Variants in TMC1 observed in about 807,000 individuals in gnomAD.
The protein encoded by TMC1 is transmembrane channel-like protein 1.
Under a neutral mutation model 105.8 loss-of-function variants are expected in TMC1, and 84 were observed. The observed-to-expected ratio is 0.79, with a 90% CI of 0.67 to 0.95. The LOEUF (loss-of-function observed/expected upper bound fraction) is 0.95, where lower values mean the gene tolerates loss of function less well. Among genes scored for constraint, TMC1 ranks in the 40% least tolerant of loss-of-function variants. The pLI is 0.00. For missense variants in TMC1, 817 were observed against 914.1 expected (o/e 0.89, Z 1.37); for synonymous variants, 315 against 311.5 (o/e 1.01, Z -0.12).
chr9:72,606,982 C>CATAT (rs144223921), intron 2 of TMC1, among the ~76,000 whole-genome samples: 200 of 142,038 alleles, frequency 1.4e-3, no homozygotes, highest in Non-Finnish European at 2.2e-3. Context: ...TGTGTGTGTG[C>CATAT]ATATATATAT....
intron 2 of TMC1, among the ~76,000 whole-genome samples, chr9:72,603,085 A>G (rs1824846021): frequency 6.6e-6 from 1 of 152,142 alleles, no homozygotes; most frequent in African/African-American, 2.4e-5. Flanking sequence ...GATGGCTCTG[A>G]TAAATATTTA....
intron 1 of TMC1, among the ~76,000 whole-genome samples, chr9:72,566,889 T>C (rs755539877): frequency 6.6e-6 from 1 of 152,182 alleles, no homozygotes; most frequent in Non-Finnish European, 1.5e-5. Context: ...GTTGTTTTCA[T>C]CTCTTAACAC....
At chr9:72,807,225 C>T (rs982655010) in intron 18 of TMC1, among the ~76,000 whole-genome samples, 3 of 152,112 alleles carry the variant, frequency 2.0e-5, no homozygotes, top group African/African-American at 7.2e-5. Flanking sequence ...TTCGGCTCAG[C>T]ATGAGAGGGA....
At chr9:72,536,934 A>G (rs1233382479) in intron 1 of TMC1, among the ~76,000 whole-genome samples, 2 of 152,200 alleles carry the variant, frequency 1.3e-5, no homozygotes, top group African/African-American at 4.8e-5. Context: ...ACCCTATGGC[A>G]GACTTCTGCC....
At chr9:72,815,091 T>G (rs1828763192) in intron 18 of TMC1, among the ~76,000 whole-genome samples, 1 of 152,166 alleles carries the variant, frequency 6.6e-6, no homozygotes, top group African/African-American at 2.4e-5. Flanking sequence ...TACTGCATTC[T>G]TATTCCCTTA....
chr9:72,735,184 G>A (rs1285515959), intron 8 of TMC1, among the ~76,000 whole-genome samples: 1 of 152,130 alleles, frequency 6.6e-6, no homozygotes, highest in Non-Finnish European at 1.5e-5. Context: ...ATTGTAGCAC[G>A]GTTTGCTTCA....
chr9:72,564,849 T>TA (rs1280997354), intron 1 of TMC1, among the ~76,000 whole-genome samples: 4 of 152,232 alleles, frequency 2.6e-5, no homozygotes, highest in Non-Finnish European at 4.4e-5. Context: ...GGGCAGAACT[T>TA]ACCTCATTCT....
intron 1 of TMC1, among the ~76,000 whole-genome samples, chr9:72,552,844 T>A (rs1204349956): frequency 6.6e-6 from 1 of 152,186 alleles, no homozygotes; most frequent in Non-Finnish European, 1.5e-5. Context: ...AGGGATCAAG[T>A]TCAAAGATTT....
intron 21 of TMC1, among the ~76,000 whole-genome samples, chr9:72,829,977 A>G (rs1829015036): frequency 6.6e-6 from 1 of 152,224 alleles, no homozygotes; most frequent in African/African-American, 2.4e-5. Context: ...ATCTATGCCT[A>G]TGAGGATTAC....
At chr9:72,667,467 C>T (rs73650832) in intron 5 of TMC1, among the ~76,000 whole-genome samples, 1 of 152,208 alleles carries the variant, frequency 6.6e-6, no homozygotes, top group Admixed American at 6.5e-5. Context: ...CTCTCACCTG[C>T]TCATGTTCCT....
intron 2 of TMC1, among the ~76,000 whole-genome samples, chr9:72,581,975 G>C (rs1824482271): frequency 6.6e-6 from 1 of 151,258 alleles, no homozygotes; most frequent in Non-Finnish European, 1.5e-5. Flanking sequence ...TTCTTTTTTT[G>C]AGACGGAGTT....
intron 3 of TMC1, among the ~76,000 whole-genome samples, chr9:72,617,449 A>G (rs895771610): frequency 1.3e-5 from 2 of 152,158 alleles, no homozygotes; most frequent in African/African-American, 4.8e-5. Flanking sequence ...GGCATGAGCC[A>G]TTGTGCCTGG....
intron 12 of TMC1, among the ~76,000 whole-genome samples, chr9:72,760,773 G>A (rs1827743882): frequency 6.6e-6 from 1 of 152,138 alleles, no homozygotes; most frequent in Non-Finnish European, 1.5e-5. Flanking sequence ...TGGTACAGGA[G>A]CCTATTGGAT....
At chr9:72,580,852 TAACAC>T (rs1054577715) in intron 2 of TMC1, among the ~76,000 whole-genome samples, 7 of 152,186 alleles carry the variant, frequency 4.6e-5, no homozygotes, top group African/African-American at 1.7e-4. Flanking sequence ...AATCTACTGA[TAACAC>T]AACACCTCTT....
At chr9:72,742,773 T>C (rs1004377363) in intron 10 of TMC1, among the ~76,000 whole-genome samples, 1 of 152,202 alleles carries the variant, frequency 6.6e-6, no homozygotes, top group Non-Finnish European at 1.5e-5. Context: ...AACATTACCA[T>C]TCTAACCTGG....
chr9:72,792,565 C>G (rs929079486), intron 17 of TMC1, among the ~76,000 whole-genome samples: 4 of 152,118 alleles, frequency 2.6e-5, no homozygotes, highest in Non-Finnish European at 5.9e-5. Flanking sequence ...TGTATGTCCC[C>G]TTTACAGTTG....
intron 1 of TMC1, among the ~76,000 whole-genome samples, chr9:72,558,140 A>T (rs1313843298): frequency 1.3e-5 from 2 of 151,878 alleles, no homozygotes; most frequent in Non-Finnish European, 2.9e-5. Flanking sequence ...TTTGGTGAAC[A>T]TTTCTCTCTC....
At chr9:72,602,358 T>C (rs528031894) in intron 2 of TMC1, among the ~76,000 whole-genome samples, 3 of 148,470 alleles carry the variant, frequency 2.0e-5, no homozygotes, top group Admixed American at 1.4e-4. Context: ...GTGATTCTCC[T>C]ATTGGTGATT....
chr9:72,541,610 C>T (rs965788876), intron 1 of TMC1, among the ~76,000 whole-genome samples: 6 of 151,434 alleles, frequency 4.0e-5, no homozygotes, highest in Admixed American at 3.3e-4. Flanking sequence ...ATCTCTTGAA[C>T]CCAGGAGGTG....
Sources: gnomAD v4.1 joint callset for allele counts (sites outside exome capture counted in the v4.1 genomes callset) on GRCh38, gnomAD v4.1.1 for gene constraint, MANE v1.5 for transcripts, NCBI Gene and HGNC (gene_info 2026-07-23, HGNC 2026-07-21) for gene names.